The following UNC5C variants were observed in gnomAD, a reference collection of about 807,000 sequenced individuals.
UNC5C encodes netrin receptor UNC5C.
UNC5C carries 47 observed loss-of-function variants against 99.8 expected under a neutral mutation model. That is an observed-to-expected ratio of 0.47 (90% CI 0.37 to 0.60). UNC5C has a LOEUF of 0.60. Ranked by LOEUF, UNC5C falls within the 20% of genes least tolerant of loss-of-function variation. The probability of loss-of-function intolerance (pLI) is 0.00; values close to 1 mark genes in which losing one functional copy is unlikely to be tolerated. For missense variants in UNC5C, 1,062 were observed against 1,165.9 expected (o/e 0.91, Z 1.30); for synonymous variants, 487 against 452.2 (o/e 1.08, Z -0.98).
Position 95,245,692 on chromosome 4 carries a change from T to C in UNC5C, c.776-548A>G, listed in dbSNP as rs180964543. 1.3e-3 allele frequency among the ~76,000 whole-genome samples: 203 copies of C among 152,312 alleles called. No homozygotes were observed. In the Middle Eastern group the frequency reaches 0.014, roughly 10 times the overall value. On this transcript the variant is annotated intron_variant, in intron 5 of 15. Transcript: ENST00000453304. ...GTACTGGGGTTATAAACAAATTGAC[T>C]GGCTATTTGAGTTACTTGGCGATTA...
chr4:95,184,205 TAAC>T (rs1212869517), intron 13 of UNC5C, among the ~76,000 whole-genome samples: 1 of 152,182 alleles, frequency 6.6e-6, no homozygotes, highest in Admixed American at 6.5e-5. Context: ...TCATGATTGT[TAAC>T]AAACCAGTAG....
At chr4:95,461,582 G>T (rs1352374826) in intron 1 of UNC5C, among the ~76,000 whole-genome samples, 1 of 152,090 alleles carries the variant, frequency 6.6e-6, no homozygotes, top group Non-Finnish European at 1.5e-5. Context: ...TGTTAACAAA[G>T]ACACATTTTC....
chr4:95,191,469 A>G (rs1737089925), intron 12 of UNC5C, among the ~76,000 whole-genome samples: 1 of 151,996 alleles, frequency 6.6e-6, no homozygotes, highest in African/African-American at 2.4e-5. Context: ...GTGAGGTGCT[A>G]GGGTCCCACA....
intron 2 of UNC5C, among the ~76,000 whole-genome samples, chr4:95,309,588 G>A (rs1742201683): frequency 6.6e-6 from 1 of 152,008 alleles, no homozygotes; most frequent in South Asian, 2.1e-4. Context: ...TCAAGAGCAA[G>A]AAAAAGAACC....
intron 1 of UNC5C, among the ~76,000 whole-genome samples, chr4:95,509,930 T>C (rs1051302649): frequency 6.6e-6 from 1 of 151,910 alleles, no homozygotes; most frequent in East Asian, 1.9e-4. Flanking sequence ...ACGTCGATAA[T>C]TACAATATTG....
At chr4:95,531,297 T>C (rs1193453130) in intron 1 of UNC5C, among the ~76,000 whole-genome samples, 1 of 152,226 alleles carries the variant, frequency 6.6e-6, no homozygotes, top group Non-Finnish European at 1.5e-5. Flanking sequence ...CACCTGCTGC[T>C]GATAATTACA....
At chr4:95,415,665 G>A (rs1363811745) in intron 1 of UNC5C, among the ~76,000 whole-genome samples, 1 of 152,018 alleles carries the variant, frequency 6.6e-6, no homozygotes, top group African/African-American at 2.4e-5. Flanking sequence ...TTAAAATAGG[G>A]TTATTATATG....
chr4:95,243,556 TC>T (rs757405361), intron 6 of UNC5C, among the ~76,000 whole-genome samples: 1 of 152,196 alleles, frequency 6.6e-6, no homozygotes, highest in Non-Finnish European at 1.5e-5. Context: ...ATGCTAAACA[TC>T]ATTTCTTGAA....
At chr4:95,461,635 T>A (rs1578176352) in intron 1 of UNC5C, among the ~76,000 whole-genome samples, 1 of 152,340 alleles carries the variant, frequency 6.6e-6, no homozygotes, top group East Asian at 1.9e-4. Context: ...TACATTATCC[T>A]TAGTCTTTTT....
chr4:95,334,627 A>G (rs1453497670), intron 2 of UNC5C, among the ~76,000 whole-genome samples: 2 of 151,942 alleles, frequency 1.3e-5, no homozygotes, highest in Non-Finnish European at 2.9e-5. Flanking sequence ...TAATTTATCC[A>G]TTGTGTAGCA....
chr4:95,290,042 A>G (rs538665458), intron 3 of UNC5C, among the ~76,000 whole-genome samples: 1 of 152,256 alleles, frequency 6.6e-6, no homozygotes, highest in African/African-American at 2.4e-5. Context: ...AGTGGCTCAT[A>G]CCTATAATCC....
At chr4:95,463,201 CCTAA>C (rs1747658900) in intron 1 of UNC5C, among the ~76,000 whole-genome samples, 1 of 152,052 alleles carries the variant, frequency 6.6e-6, no homozygotes, top group Non-Finnish European at 1.5e-5. Flanking sequence ...GGCTGCAGTG[CCTAA>C]CTGTGACCTA....
chr4:95,182,505 A>C (rs1476191301), intron 14 of UNC5C, among the ~76,000 whole-genome samples: 6 of 152,058 alleles, frequency 3.9e-5, no homozygotes, highest in African/African-American at 1.2e-4. Context: ...GCTGAGAAAG[A>C]AGCAGAAAGG....
At chr4:95,427,297 G>T (rs1428534973) in intron 1 of UNC5C, among the ~76,000 whole-genome samples, 3 of 152,162 alleles carry the variant, frequency 2.0e-5, no homozygotes, top group African/African-American at 7.2e-5. Flanking sequence ...GACAACAAAG[G>T]ATTTAGAATA....
chr4:95,258,339 C>T (rs968246438), intron 4 of UNC5C, among the ~76,000 whole-genome samples: 21 of 152,162 alleles, frequency 1.4e-4, no homozygotes, highest in African/African-American at 5.1e-4. Context: ...CAACCTGAGG[C>T]TTCTCTTTTC....
intron 1 of UNC5C, among the ~76,000 whole-genome samples, chr4:95,356,889 G>C (rs1314257389): frequency 6.6e-6 from 1 of 152,156 alleles, no homozygotes; most frequent in African/African-American, 2.4e-5. Flanking sequence ...TGGTAAAACT[G>C]TCTCGTTTTA....
chr4:95,283,985 T>C (rs959734268), intron 3 of UNC5C, among the ~76,000 whole-genome samples: 1 of 152,232 alleles, frequency 6.6e-6, no homozygotes, highest in African/African-American at 2.4e-5. Context: ...GAAATCCAAT[T>C]AGCAGATGTA....
At chr4:95,302,054 T>C (rs1045139497) in intron 2 of UNC5C, among the ~76,000 whole-genome samples, 1 of 152,214 alleles carries the variant, frequency 6.6e-6, no homozygotes, top group African/African-American at 2.4e-5. Flanking sequence ...TTCCTCTCTA[T>C]ATTGAAATAT....
chr4:95,359,982 G>T (rs1283895178), intron 1 of UNC5C, among the ~76,000 whole-genome samples: 1 of 152,044 alleles, frequency 6.6e-6, no homozygotes, highest in South Asian at 2.1e-4. Context: ...CCATTAACTT[G>T]CCCAATGTTT....
Sources: gnomAD v4.1 joint callset for allele counts (sites outside exome capture counted in the v4.1 genomes callset) on GRCh38, gnomAD v4.1.1 for gene constraint, MANE v1.5 for transcripts, NCBI Gene and HGNC (gene_info 2026-07-23, HGNC 2026-07-21) for gene names.